DLC1: variants seen among roughly 807,000 people sequenced by gnomAD.
The protein encoded by DLC1 is rho GTPase-activating protein 7.
Under a neutral mutation model 140.3 loss-of-function variants are expected in DLC1, and 54 were observed. That is an observed-to-expected ratio of 0.38 (90% CI 0.31 to 0.48). The LOEUF (loss-of-function observed/expected upper bound fraction) is 0.48. Ranked by LOEUF, DLC1 falls within the 20% of genes least tolerant of loss-of-function variation. DLC1 has a pLI of 0.96. For missense variants in DLC1, 2,536 were observed against 1,907.0 expected (o/e 1.33, Z -6.14); for synonymous variants, 986 against 728.1 (o/e 1.35, Z -5.70).
chr8:13,252,732 T>C (rs1230591913), intron 5 of DLC1, among the ~76,000 whole-genome samples: 1 of 152,140 alleles, frequency 6.6e-6, no homozygotes. Context: ...AAGATCATCA[T>C]GTGGAAAAAT....
chr8:13,189,153 C>G (rs17186334), intron 5 of DLC1, among the ~76,000 whole-genome samples: 6,298 of 152,146 alleles, frequency 0.041, 205 homozygotes, highest in Non-Finnish European at 0.064. Flanking sequence ...TTTCAACTCT[C>G]TCTGCGGAAA....
At chr8:13,222,739 T>C (rs1250110835) in intron 5 of DLC1, among the ~76,000 whole-genome samples, 29 of 152,104 alleles carry the variant, frequency 1.9e-4, no homozygotes, top group Admixed American at 1.9e-3. Flanking sequence ...ACCTAAATTT[T>C]TGAGGGGTGT....
chr8:13,595,063 C>G (rs927255385), intron 1 of DLC1, among the ~76,000 whole-genome samples: 4 of 151,796 alleles, frequency 2.6e-5, no homozygotes, highest in Admixed American at 6.6e-5. Flanking sequence ...CCGCAGTTTT[C>G]TCTTCAGATC....
intron 5 of DLC1, among the ~76,000 whole-genome samples, chr8:13,289,197 TTTA>T (rs930093614): frequency 1.3e-5 from 2 of 151,920 alleles, no homozygotes; most frequent in Non-Finnish European, 1.5e-5. Context: ...TAGAATTCCT[TTTA>T]TTATTATTAT....
intron 4 of DLC1, among the ~76,000 whole-genome samples, chr8:13,310,352 A>T (rs1364038497): frequency 1.3e-5 from 2 of 152,232 alleles, no homozygotes; most frequent in Non-Finnish European, 2.9e-5. Flanking sequence ...TCAGTGACAG[A>T]GTAATTTACT....
At position 13,570,429 on chromosome 8, in the gene DLC1, A is replaced by G. The variant is rs562484905; in HGVS notation, c.-126+34108T>C. The stretch of plus-strand genomic sequence containing the variant: ...CATCTAGCATTAGGTATATCTCCCA[A>G]TGCTATCCCTCCCCCCTCCCCCCAC... On this transcript the variant is annotated intron_variant, in intron 1 of 1. Transcript: ENST00000631382. Among the ~76,000 whole-genome samples the G allele has an allele frequency of 2.5e-3, 345 of 138,236 alleles. 1 individual carries two copies. The highest frequency in any genetic ancestry group is 3.6e-3 in the Non-Finnish European group (228 of 64,032). 90.7% of individuals were successfully genotyped at this position (138,236 alleles called of 152,430 possible).
intron 4 of DLC1, among the ~76,000 whole-genome samples, chr8:13,320,222 A>G (rs1422789074): frequency 6.6e-6 from 1 of 152,206 alleles, no homozygotes; most frequent in Non-Finnish European, 1.5e-5. Flanking sequence ...TATGAACACT[A>G]GAATAAAATG....
chr8:13,163,861 G>A (rs1037367212), intron 5 of DLC1, among the ~76,000 whole-genome samples: 3 of 152,050 alleles, frequency 2.0e-5, no homozygotes, highest in African/African-American at 4.8e-5. Context: ...CCCAAAATTA[G>A]CCAAGTATTG....
chr8:13,379,915 T>C (rs572441012), intron 4 of DLC1, among the ~76,000 whole-genome samples: 2 of 152,336 alleles, frequency 1.3e-5, no homozygotes, highest in Non-Finnish European at 2.9e-5. Flanking sequence ...AAACACCGCA[T>C]GTTCTCACTC....
intron 5 of DLC1, among the ~76,000 whole-genome samples, chr8:13,155,258 G>A (rs1355806957): frequency 1.3e-5 from 2 of 150,960 alleles, no homozygotes; most frequent in Non-Finnish European, 2.9e-5. Context: ...TCTGTTGATG[G>A]TCATTTATAA....
chr8:13,304,669 G>T, intron 5 of DLC1: 1 of 945,788 alleles, frequency 1.1e-6, no homozygotes, highest in Non-Finnish European at 1.3e-6. Context: ...ACATAAGATA[G>T]TATGATTTTT....
In DLC1 at chr8:13,424,673, T is replaced by C. The variant is rs547141010; in HGVS notation, c.1024-23054A>G. 1.8e-3 allele frequency among the ~76,000 whole-genome samples: 273 copies of C among 152,004 alleles called. 1 individual carries two copies. The highest frequency in any genetic ancestry group is 6.4e-3 in the African/African-American group (264 of 41,470). On this transcript the variant is annotated intron_variant, in intron 2 of 17. Coordinates refer to ENST00000276297, the MANE Select transcript of DLC1 (RefSeq NM_182643.3). The stretch of plus-strand genomic sequence containing the variant: ...CTGCAAGCTTCACCTCCCGGGTTCA[T>C]GCCACTCTCCTGCCTTAGCCCCCTG...
intron 2 of DLC1, among the ~76,000 whole-genome samples, chr8:13,447,035 C>T (rs930219729): frequency 8.6e-5 from 13 of 152,008 alleles, no homozygotes; most frequent in Non-Finnish European, 1.8e-4. Context: ...ATCTAGTACT[C>T]AATTCTTATG....
intron 2 of DLC1, among the ~76,000 whole-genome samples, chr8:13,422,123 A>T (rs1310086885): frequency 7.2e-5 from 11 of 152,102 alleles, no homozygotes; most frequent in Admixed American, 7.2e-4. Context: ...TATTAAACAG[A>T]CTTTTAAAAT....
intron 5 of DLC1, among the ~76,000 whole-genome samples, chr8:13,145,268 C>T (rs1002210201): frequency 5.7e-4 from 86 of 151,564 alleles, no homozygotes; most frequent in African/African-American, 2.0e-3. Context: ...AGAAAAAGCA[C>T]AAAAGAATAA....
At chr8:13,546,157 G>C (rs1392270832) in intron 1 of DLC1, among the ~76,000 whole-genome samples, 1 of 152,002 alleles carries the variant, frequency 6.6e-6, no homozygotes, top group Non-Finnish European at 1.5e-5. Flanking sequence ...CAGTTTGCTG[G>C]ATGTAATGGT....
At chr8:13,098,034 G>GAAAAAAAAAAAAAA (rs35785512) in intron 10 of DLC1, among the ~76,000 whole-genome samples, 1 of 68,418 alleles carries the variant, frequency 1.5e-5, no homozygotes, top group Non-Finnish European at 2.6e-5. Flanking sequence ...AAGGAAAAAA[G>GAAAAAAAAAAAAAA]AAAAAAAAAA....
Position 13,479,885 on chromosome 8 carries a change from A to AGAAGAAGAAGAAGAAG in DLC1, c.1023+19163_1023+19164insCTTCTTCTTCTTCTTC, listed in dbSNP as rs1395152895. Among the ~76,000 whole-genome samples, 414 of 114,332 alleles carry AGAAGAAGAAGAAGAAG rather than the reference A, an allele frequency of 3.6e-3. 8 individuals are homozygous for AGAAGAAGAAGAAGAAG. Among genetic ancestry groups the AGAAGAAGAAGAAGAAG allele is most frequent in the Non-Finnish European group, 6.7e-3 (336 of 50,134 alleles). The allele number at this position is 114,332 out of a possible 152,430, so 75.0% of individuals were successfully genotyped here. Reference sequence around the variant, plus strand: ...AGAAAAAGAAAGAAAGAAAGAAAGAAAGAAAAAGAAAGAAAGAAGAAAAGT... The same window carrying AGAAGAAGAAGAAGAAG: ...AGAAAAAGAAAGAAAGAAAGAAAGAAGAAGAAGAAGAAGAAGAGAAAAAGAAAGAAAGAAGAAAAGT... On this transcript the variant is annotated intron_variant, in intron 2 of 17. Transcript: ENST00000276297.
At chr8:13,407,597 T>C (rs289604) in intron 2 of DLC1, among the ~76,000 whole-genome samples, 6,797 of 152,246 alleles carry the variant, frequency 0.045, 506 homozygotes, top group African/African-American at 0.15. Context: ...TTCCAAATAG[T>C]GGACGATTGG....
Sources: allele counts gnomAD v4.1 joint callset (sites outside exome capture counted in the v4.1 genomes callset), GRCh38; gene constraint gnomAD v4.1.1; transcripts MANE v1.5; gene names NCBI Gene and HGNC (gene_info 2026-07-23, HGNC 2026-07-21).